SRFBP1: variants seen among roughly 807,000 people sequenced by gnomAD.
SRFBP1 encodes the protein serum response factor-binding protein 1.
In SRFBP1, 47 loss-of-function variants were observed where a neutral mutation model predicts 45.5. The observed-to-expected ratio is 1.03, with a 90% CI of 0.82 to 1.32. The LOEUF is 1.32. SRFBP1 is among the 40% of genes most tolerant of loss of function. The pLI, the probability that SRFBP1 is intolerant of heterozygous loss-of-function variation, is 0.00. For synonymous variants in SRFBP1, 203 were observed against 166.3 expected (o/e 1.22, Z -1.70); for missense variants, 621 against 484.6 (o/e 1.28, Z -2.64).
intron 3 of SRFBP1, among the ~76,000 whole-genome samples, chr5:121,984,177 G>C (rs1003655874): frequency 3.3e-5 from 5 of 151,770 alleles, no homozygotes; most frequent in Non-Finnish European, 7.4e-5. Flanking sequence ...AAAGATGGAG[G>C]ATATATGCAT....
intron 1 of SRFBP1, among the ~76,000 whole-genome samples, chr5:121,962,836 G>C (rs1336158441): frequency 1.3e-5 from 2 of 152,196 alleles, no homozygotes; most frequent in East Asian, 3.8e-4. Context: ...GTTAGATACA[G>C]AAAGGAAATT....
At position 122,001,369 on chromosome 5, in the gene SRFBP1, T is replaced by G. The variant is rs117208876; in HGVS notation, c.270+6699T>G. On this transcript the variant is annotated intron_variant, in intron 4 of 7. Coordinates refer to ENST00000339397, the MANE Select transcript of SRFBP1 (RefSeq NM_152546.3). Reference sequence around the variant, plus strand: ...TGATTTAGGGCCATGATTTCCAAAATCATGGCCCTTTTATTTTTATTTTTT... The same window carrying G: ...TGATTTAGGGCCATGATTTCCAAAAGCATGGCCCTTTTATTTTTATTTTTT... 4.1e-3 allele frequency among the ~76,000 whole-genome samples: 618 copies of G among 149,920 alleles called. 15 individuals are homozygous for G. The East Asian group carries it at 0.053, about 13-fold the overall frequency.
chr5:122,053,285 C>T (rs188965001), intron 2 of SRFBP1, among the ~76,000 whole-genome samples: 31 of 152,238 alleles, frequency 2.0e-4, no homozygotes, highest in African/African-American at 7.5e-4. Context: ...CCTGCCTTGC[C>T]CTCTGGATGT....
At chr5:121,967,674 A>T (rs1460080639) in intron 1 of SRFBP1, among the ~76,000 whole-genome samples, 3 of 152,164 alleles carry the variant, frequency 2.0e-5, no homozygotes, top group Non-Finnish European at 2.9e-5. Context: ...CTCTACAAAA[A>T]ATACAGAAAA....
At chr5:122,009,472 G>T (rs1318224995) in intron 4 of SRFBP1, among the ~76,000 whole-genome samples, 1 of 151,866 alleles carries the variant, frequency 6.6e-6, no homozygotes, top group Non-Finnish European at 1.5e-5. Flanking sequence ...CTTACTATGT[G>T]TTATATCTGT....
At chr5:122,070,225 A>C in intron 2 of SRFBP1, 1 of 989,222 alleles carries the variant, frequency 1.0e-6, no homozygotes, top group Admixed American at 1.7e-5. Flanking sequence ...ACAATAAGGA[A>C]ATTGTTAATG....
intron 7 of SRFBP1, among the ~76,000 whole-genome samples, chr5:122,024,933 T>TTTTTG (rs926688175): frequency 1.3e-5 from 2 of 152,036 alleles, no homozygotes; most frequent in African/African-American, 4.8e-5. Context: ...ATGAAACAGG[T>TTTTTG]TTTTGTTTTG....
intron 3 of SRFBP1, among the ~76,000 whole-genome samples, chr5:121,988,297 C>T (rs974233254): frequency 6.6e-6 from 1 of 152,058 alleles, no homozygotes; most frequent in Admixed American, 6.6e-5. Flanking sequence ...TCATGATTTC[C>T]TCTTCTATAA....
chr5:122,077,088 T>G (rs2152591063), downstream of SRFBP1: 1 of 1,549,308 alleles, frequency 6.5e-7, no homozygotes, highest in South Asian at 1.2e-5. This position sits in a 1 kb window ranked among gnomAD's most constrained non-coding sequence, Gnocchi z 4.9. Flanking sequence ...CCCTTACTCC[T>G]CACCCTTCGC....
intron 1 of SRFBP1, among the ~76,000 whole-genome samples, chr5:121,965,374 T>G (rs997256515): frequency 3.3e-5 from 5 of 152,206 alleles, no homozygotes; most frequent in Non-Finnish European, 7.3e-5. Flanking sequence ...GTATAAGGTG[T>G]AAGGAAGGGG....
intron 2 of SRFBP1, among the ~76,000 whole-genome samples, chr5:122,041,498 A>T (rs925367318): frequency 6.6e-6 from 1 of 151,996 alleles, no homozygotes; most frequent in South Asian, 2.1e-4. Flanking sequence ...TTTGCCTACC[A>T]TGCCTTGCAA....
At chr5:121,977,587 A>G (rs1415679502) in intron 3 of SRFBP1, among the ~76,000 whole-genome samples, 1 of 152,144 alleles carries the variant, frequency 6.6e-6, no homozygotes, top group Non-Finnish European at 1.5e-5. Context: ...TATCAAATAA[A>G]TGATGACAAA....
chr5:122,026,352 A>G (rs1753480145), intron 7 of SRFBP1, among the ~76,000 whole-genome samples: 2 of 152,234 alleles, frequency 1.3e-5, no homozygotes, highest in South Asian at 4.1e-4. Context: ...CCACCTTCAT[A>G]TCTGGAGATT....
chr5:121,966,671 T>C (rs1752075745), intron 1 of SRFBP1, among the ~76,000 whole-genome samples: 1 of 152,254 alleles, frequency 6.6e-6, no homozygotes, highest in Non-Finnish European at 1.5e-5. Flanking sequence ...AGCAGTGATA[T>C]GTAAAAATCA....
rs1239371865 is a variant in SRFBP1, at chr5:122,015,389, G to A, written c.271-3871G>A. 5.9e-5 allele frequency among the ~76,000 whole-genome samples: 9 copies of A among 152,148 alleles called. No homozygotes were observed. The East Asian group carries it at 9.7e-4, about 16-fold the overall frequency. ...TTTATTTTAAATTTTTAAACATCACGGGCCTACTACACAGTTTTTTCTTTC... is the reference window on the plus strand; with the variant it reads ...TTTATTTTAAATTTTTAAACATCACAGGCCTACTACACAGTTTTTTCTTTC... On this transcript the variant is annotated intron_variant, in intron 4 of 7. Transcript: ENST00000339397.
chr5:122,034,071 G>A (rs556488049), intron 2 of SRFBP1, among the ~76,000 whole-genome samples: 6 of 152,252 alleles, frequency 3.9e-5, no homozygotes, highest in Admixed American at 1.3e-4. Context: ...TGATCCACCC[G>A]CCTCAGCCTC....
chr5:122,046,250 T>A (rs931819965), intron 2 of SRFBP1, among the ~76,000 whole-genome samples: 1 of 151,942 alleles, frequency 6.6e-6, no homozygotes, highest in African/African-American at 2.4e-5. Context: ...CCTGTGTCCA[T>A]GCGTTCTCAT....
chr5:122,056,547 T>C (rs1561411119), intron 2 of SRFBP1, among the ~76,000 whole-genome samples: 1 of 152,198 alleles, frequency 6.6e-6, no homozygotes, highest in Non-Finnish European at 1.5e-5. Context: ...GAAAGCACTA[T>C]TCAATTTTTC....
rs1401562994 is a variant in SRFBP1, at chr5:122,028,273, A to G, written c.*1147A>G. 2.6e-5 allele frequency: 4 copies of G among 152,182 alleles called. No homozygotes were observed. The highest frequency in any genetic ancestry group is 9.7e-5 in the African/African-American group (4 of 41,444). The allele number at this position is 152,182 out of a possible 1,614,324, so 9.4% of individuals were successfully genotyped here. Reference sequence around the variant, plus strand: ...GCCATCTGGTTAACCTGTATTCACAAACTCTCAAGAGTTTCTACTTATTTC... The same window carrying G: ...GCCATCTGGTTAACCTGTATTCACAGACTCTCAAGAGTTTCTACTTATTTC... On this transcript the variant is annotated 3_prime_UTR_variant, in exon 8 of 8. Coordinates refer to ENST00000339397, the MANE Select transcript of SRFBP1 (RefSeq NM_152546.3).
Sources: allele counts gnomAD v4.1 joint callset (sites outside exome capture counted in the v4.1 genomes callset), GRCh38; gene constraint gnomAD v4.1.1; non-coding constraint Gnocchi (gnomAD v3.1); transcripts MANE v1.5; gene names NCBI Gene and HGNC (gene_info 2026-07-23, HGNC 2026-07-21).